TRPM3: variants seen among roughly 807,000 people sequenced by gnomAD.
TRPM3 encodes the protein transient receptor potential cation channel subfamily M member 3, also known as long transient receptor potential channel 3.
Under a neutral mutation model 181.2 loss-of-function variants are expected in TRPM3, and 77 were observed. The observed-to-expected ratio is 0.42, with a 90% CI of 0.35 to 0.51. The LOEUF (loss-of-function observed/expected upper bound fraction) is 0.51. TRPM3 is among the 20% of genes least tolerant of loss of function. The probability of loss-of-function intolerance (pLI) is 0.01; values close to 1 mark genes in which losing one functional copy is unlikely to be tolerated. For missense variants in TRPM3, 1,759 were observed against 2,196.7 expected (o/e 0.80, Z 3.98); for synonymous variants, 745 against 796.4 (o/e 0.94, Z 1.09).
At chr9:70,832,920 T>C (rs1185097588) in intron 5 of TRPM3, among the ~76,000 whole-genome samples, 2 of 152,230 alleles carry the variant, frequency 1.3e-5, no homozygotes, top group Admixed American at 6.5e-5. Context: ...TGAGGAAATA[T>C]AGTGTGTGAT....
chr9:71,281,495 A>C (rs1400587197), intron 1 of TRPM3, among the ~76,000 whole-genome samples: 1 of 152,172 alleles, frequency 6.6e-6, no homozygotes, highest in African/African-American at 2.4e-5. Context: ...CCCCAGGTAC[A>C]GTATCTAGTA....
intron 8 of TRPM3, among the ~76,000 whole-genome samples, chr9:70,689,054 T>C (rs1235406312): frequency 6.6e-6 from 1 of 152,158 alleles, no homozygotes; most frequent in Non-Finnish European, 1.5e-5. Context: ...AACACAAGAA[T>C]GGTAACATAG....
At chr9:71,213,018 T>C (rs2079605523) in intron 1 of TRPM3, among the ~76,000 whole-genome samples, 1 of 152,182 alleles carries the variant, frequency 6.6e-6, no homozygotes, top group African/African-American at 2.4e-5. Flanking sequence ...TAATCAGATA[T>C]ATAAGAGCAG....
chr9:70,685,494 C>G (rs1328141), intron 8 of TRPM3, among the ~76,000 whole-genome samples: 55,455 of 152,008 alleles, frequency 0.36, 10,385 homozygotes, highest in East Asian at 0.46. Context: ...TAACCTTGAA[C>G]TCCCAGGCTC....
chr9:71,345,600 G>A (rs1480073219), intron 1 of TRPM3, among the ~76,000 whole-genome samples: 2 of 151,700 alleles, frequency 1.3e-5, no homozygotes, highest in East Asian at 1.9e-4. Context: ...GGGGTGGGGG[G>A]CAAGGGGAAG....
At chr9:71,191,791 TAA>T (rs11322932) in intron 1 of TRPM3, among the ~76,000 whole-genome samples, 1,623 of 119,340 alleles carry the variant, frequency 0.014, 54 homozygotes, top group Admixed American at 0.082. Flanking sequence ...ACAGAACATA[TAA>T]AAAAAAAAAA....
chr9:70,932,320 C>T (rs1009598418), intron 1 of TRPM3, among the ~76,000 whole-genome samples: 1 of 152,014 alleles, frequency 6.6e-6, no homozygotes, highest in Non-Finnish European at 1.5e-5. Flanking sequence ...TCCTGCCTGC[C>T]TGCTTGCCTG....
At chr9:70,632,435 T>C (rs997761330) in intron 12 of TRPM3, among the ~76,000 whole-genome samples, 14 of 152,230 alleles carry the variant, frequency 9.2e-5, no homozygotes, top group African/African-American at 3.1e-4. Flanking sequence ...TTCATCTTTC[T>C]TGCTCTCCCA....
intron 1 of TRPM3, among the ~76,000 whole-genome samples, chr9:71,048,720 A>G (rs595052): frequency 0.23 from 35,465 of 152,098 alleles, 4,919 homozygotes; most frequent in East Asian, 0.41. Context: ...AGGACATGAA[A>G]AATTGCAGGA....
chr9:70,635,253 C>A lies in TRPM3; in HGVS notation c.1590G>T (p.Gly530=). The A allele has an allele frequency of 6.2e-7, 1 of 1,613,716 alleles. No individual in the cohort carries two copies. Among genetic ancestry groups the A allele is most frequent in the Non-Finnish European group, 8.5e-7 (1 of 1,179,804 alleles). ...CCAAGTGGTACAATGTATTTGAGGG[C>A]CCATGTCTCTGAAAACAATAAAGAA... ...RLEELYNTRH[G]PSNTLYHLVR... is the part of the protein sequence containing the mutation. The change falls in exon 12 of 26, where the codon GGG becomes GGT. Residue 530 remains glycine (G), a synonymous_variant. Coordinates refer to ENST00000677713, the MANE Select transcript of TRPM3 (RefSeq NM_001366145.2).
chr9:71,052,243 T>G (rs1473298531), intron 1 of TRPM3, among the ~76,000 whole-genome samples: 1 of 152,108 alleles, frequency 6.6e-6, no homozygotes, highest in African/African-American at 2.4e-5. Flanking sequence ...TTTTCCAAAG[T>G]AAATGTTTGT....
chr9:70,593,023 C>A (rs2058397372), intron 21 of TRPM3, among the ~76,000 whole-genome samples: 1 of 152,176 alleles, frequency 6.6e-6, no homozygotes, highest in African/African-American at 2.4e-5. Context: ...AGCCACTGTG[C>A]CCGGCCACGA....
chr9:71,244,596 T>C (rs1481278489), intron 1 of TRPM3, among the ~76,000 whole-genome samples: 1 of 152,178 alleles, frequency 6.6e-6, no homozygotes, highest in African/African-American at 2.4e-5. Context: ...ACATTGGACA[T>C]TAGAAAGCTG....
chr9:70,767,471 C>T (rs931181051), intron 7 of TRPM3, among the ~76,000 whole-genome samples: 7 of 152,120 alleles, frequency 4.6e-5, no homozygotes, highest in Non-Finnish European at 1.0e-4. Flanking sequence ...ATGGGTATTA[C>T]CCTCCAAAAT....
chr9:70,632,167 T>C (rs1391359814), intron 12 of TRPM3, among the ~76,000 whole-genome samples: 1 of 152,206 alleles, frequency 6.6e-6, no homozygotes, highest in African/African-American at 2.4e-5. Context: ...CAAGATTTTC[T>C]TAGCATTTTA....
rs576590522 is a variant in TRPM3 at position 71,206,383 on chromosome 9, T to C, written c.183+240270A>G. On this transcript the variant is annotated intron_variant, in intron 1 of 24. Coordinates refer to the TRPM3 transcript ENST00000357533. ...CTTTTTCATATGTTTGTTGGCCACATAAAAGTCTTCTTTCGAAAAGTTTCT... is the reference window on the plus strand; with the variant it reads ...CTTTTTCATATGTTTGTTGGCCACACAAAAGTCTTCTTTCGAAAAGTTTCT... Among the ~76,000 whole-genome samples the C allele has an allele frequency of 2.3e-4, 35 of 152,334 alleles. No homozygotes were observed. The South Asian group carries it at 6.0e-3, about 26-fold the overall frequency.
At chr9:70,984,798 T>C (rs2097402476) in intron 1 of TRPM3, among the ~76,000 whole-genome samples, 2 of 152,256 alleles carry the variant, frequency 1.3e-5, no homozygotes, top group African/African-American at 4.8e-5. Context: ...TTTTGTGTTT[T>C]TGACTTTCAA....
At chr9:70,651,770 T>G (rs1471289296) in intron 9 of TRPM3, among the ~76,000 whole-genome samples, 1 of 152,212 alleles carries the variant, frequency 6.6e-6, no homozygotes, top group Non-Finnish European at 1.5e-5. Context: ...TCTTTCTTTC[T>G]TTTTTCTTTA....
chr9:71,342,197 T>C (rs193113259), intron 1 of TRPM3, among the ~76,000 whole-genome samples: 2 of 146,928 alleles, frequency 1.4e-5, no homozygotes, highest in Admixed American at 6.8e-5. Flanking sequence ...TTGGCACATT[T>C]GGAATGCCAA....
Sources: allele counts gnomAD v4.1 joint callset (sites outside exome capture counted in the v4.1 genomes callset), GRCh38; gene constraint gnomAD v4.1.1; transcripts MANE v1.5; gene names NCBI Gene and HGNC (gene_info 2026-07-23, HGNC 2026-07-21).